PRDM10: variants seen among roughly 807,000 people sequenced by gnomAD.
The protein encoded by PRDM10 is PR/SET domain 10.
In PRDM10, 65 loss-of-function variants were observed where a neutral mutation model predicts 133.1. The ratio of observed to expected loss-of-function variants is 0.49; its 90% confidence interval spans 0.40 to 0.60. The LOEUF is 0.60. Ranked by LOEUF, PRDM10 falls within the 20% of genes least tolerant of loss-of-function variation. PRDM10 has a pLI of 0.00. For missense variants in PRDM10, 1,137 were observed against 1,507.1 expected (o/e 0.75, Z 4.07); for synonymous variants, 582 against 580.4 (o/e 1.00, Z -0.04).
At chr11:129,995,467 G>C (rs1939003047) in intron 1 of PRDM10, among the ~76,000 whole-genome samples, 1 of 152,140 alleles carries the variant, frequency 6.6e-6, no homozygotes, top group African/African-American at 2.4e-5. Flanking sequence ...GTCAAACAAA[G>C]AGCAATAATT....
At chr11:129,977,255 TACACAC>T (rs71057991) in intron 1 of PRDM10, among the ~76,000 whole-genome samples, 4,544 of 132,448 alleles carry the variant, frequency 0.034, 107 homozygotes, top group African/African-American at 0.078. Context: ...ATGACTAAAA[TACACAC>T]ACACACACAC....
At chr11:129,921,586 T>C (rs1324315461) in intron 13 of PRDM10, among the ~76,000 whole-genome samples, 1 of 152,228 alleles carries the variant, frequency 6.6e-6, no homozygotes, top group Non-Finnish European at 1.5e-5. Flanking sequence ...AGCTGTTCTC[T>C]AGAAAAATTA....
chr11:129,906,453 G>A (rs531938764), intron 19 of PRDM10, among the ~76,000 whole-genome samples: 6 of 152,246 alleles, frequency 3.9e-5, no homozygotes, highest in South Asian at 4.1e-4. Context: ...CACACCAGGC[G>A]TTGAAATCCA....
chr11:129,985,809 A>AAAAAAAAATAT (rs1565512177), intron 1 of PRDM10, among the ~76,000 whole-genome samples: 1 of 61,094 alleles, frequency 1.6e-5, no homozygotes, highest in African/African-American at 8.2e-5. Flanking sequence ...AAAAAAAAAA[A>AAAAAAAAATAT]ATATATATAT....
intron 1 of PRDM10, among the ~76,000 whole-genome samples, chr11:129,966,706 G>C (rs1216238143): frequency 1.3e-5 from 2 of 152,210 alleles, no homozygotes; most frequent in Admixed American, 6.5e-5. Flanking sequence ...TGCATGATGT[G>C]TTGTTATTAC....
chr11:129,971,715 G>C (rs955197924), intron 1 of PRDM10, among the ~76,000 whole-genome samples: 8 of 152,318 alleles, frequency 5.3e-5, no homozygotes, highest in East Asian at 3.9e-4. Flanking sequence ...AATCCCTGAG[G>C]TAGACATAAA....
chr11:129,932,823 T>C (rs1950913415), intron 9 of PRDM10, among the ~76,000 whole-genome samples: 1 of 152,164 alleles, frequency 6.6e-6, no homozygotes. Flanking sequence ...TGGAGTGCAG[T>C]GATGTAATCA....
At chr11:129,938,767 G>A (rs559996910) in intron 7 of PRDM10, among the ~76,000 whole-genome samples, 2 of 152,190 alleles carry the variant, frequency 1.3e-5, no homozygotes, top group African/African-American at 2.4e-5. Context: ...TGCAGGCAAC[G>A]GCTTCTCGTC....
At chr11:129,964,762 T>C (rs1164787581) in intron 1 of PRDM10, among the ~76,000 whole-genome samples, 1 of 152,246 alleles carries the variant, frequency 6.6e-6, no homozygotes, top group Non-Finnish European at 1.5e-5. Flanking sequence ...CTTTACAATG[T>C]ATCTTGCATT....
At chr11:129,903,868 C>T (rs1181923223) in intron 20 of PRDM10, among the ~76,000 whole-genome samples, 1 of 152,022 alleles carries the variant, frequency 6.6e-6, no homozygotes, top group Non-Finnish European at 1.5e-5. Flanking sequence ...AATGCATGAA[C>T]CCCCAAAAAT....
At position 129,957,915 on chromosome 11, in the gene PRDM10, C is replaced by T. The variant is rs374177686; in HGVS notation, c.70-5G>A. ...TGTGTCCGGAACAAAGTGCACCTGG[C>T]ATAAACAGGAGACAAAGAACAAAAT... On this transcript the variant is annotated splice_polypyrimidine_tract_variant and splice_region_variant and intron_variant, in intron 2 of 20. Coordinates refer to ENST00000360871, the MANE Select transcript of PRDM10 (RefSeq NM_199437.2). 6.2e-7 allele frequency: 1 copy of T among 1,605,966 alleles called. No homozygotes were observed. The highest frequency in any genetic ancestry group is 1.3e-5 in the African/African-American group (1 of 74,672).
chr11:129,988,668 T>G (rs551055740), intron 1 of PRDM10, among the ~76,000 whole-genome samples: 1 of 152,032 alleles, frequency 6.6e-6, no homozygotes, highest in Non-Finnish European at 1.5e-5. Flanking sequence ...CTCGCTCTGT[T>G]GCCTGGGCTG....
intron 1 of PRDM10, among the ~76,000 whole-genome samples, chr11:129,979,921 G>A (rs932426512): frequency 6.6e-6 from 1 of 152,342 alleles, no homozygotes; most frequent in South Asian, 2.1e-4. Context: ...TTAGGCATAT[G>A]TCCCCTAACT....
chr11:129,985,780 C>CAA (rs1159728991), intron 1 of PRDM10, among the ~76,000 whole-genome samples: 29 of 26,760 alleles, frequency 1.1e-3, no homozygotes, highest in Non-Finnish European at 1.3e-3. Flanking sequence ...AAACCCTGTC[C>CAA]AAAAAAAAAA....
intron 1 of PRDM10, among the ~76,000 whole-genome samples, chr11:129,983,346 G>C (rs1478602732): frequency 4.0e-5 from 6 of 149,176 alleles, no homozygotes; most frequent in Admixed American, 1.3e-4. Flanking sequence ...CCAGGCTGGA[G>C]TGCAGTGGCG....
chr11:129,938,623 T>C (rs927898966), intron 7 of PRDM10, among the ~76,000 whole-genome samples: 4 of 152,134 alleles, frequency 2.6e-5, no homozygotes, highest in Non-Finnish European at 5.9e-5. Context: ...GTAGCCAGAG[T>C]GGTCTCCTCA....
intron 20 of PRDM10, among the ~76,000 whole-genome samples, chr11:129,903,781 T>G (rs1949921809): frequency 6.6e-6 from 1 of 152,032 alleles, no homozygotes; most frequent in South Asian, 2.1e-4. Flanking sequence ...TATGATTGGT[T>G]TTTCCACGTG....
intron 4 of PRDM10, among the ~76,000 whole-genome samples, chr11:129,954,251 T>A (rs1476928122): frequency 2.0e-5 from 3 of 147,136 alleles, no homozygotes; most frequent in Non-Finnish European, 3.0e-5. Flanking sequence ...TTTTAAATTT[T>A]AATTTAATTT....
chr11:130,001,180 A>G (rs975547692), intron 1 of PRDM10, among the ~76,000 whole-genome samples: 1 of 151,340 alleles, frequency 6.6e-6, no homozygotes, highest in African/African-American at 2.4e-5. Context: ...TTTGCCCCCA[A>G]CCAATCCTAA....
Sources: allele counts gnomAD v4.1 joint callset (sites outside exome capture counted in the v4.1 genomes callset), GRCh38; gene constraint gnomAD v4.1.1; transcripts MANE v1.5; gene names NCBI Gene and HGNC (gene_info 2026-07-23, HGNC 2026-07-21).